FOXP4: variants seen among roughly 807,000 people sequenced by gnomAD.
The protein encoded by FOXP4 is forkhead box protein P4.
In FOXP4, 25 loss-of-function variants were observed where a neutral mutation model predicts 82.6. That is an observed-to-expected ratio of 0.30 (90% CI 0.22 to 0.42). The LOEUF (loss-of-function observed/expected upper bound fraction) is 0.42, where lower values mean the gene tolerates loss of function less well. Ranked by LOEUF, FOXP4 falls within the 10% of genes least tolerant of loss-of-function variation. The pLI is 1.00. For missense variants in FOXP4, 785 were observed against 900.9 expected (o/e 0.87, Z 1.65); for synonymous variants, 415 against 388.2 (o/e 1.07, Z -0.81).
chr6:41,585,734 GTGT>G (rs1349950345), intron 5 of FOXP4, among the ~76,000 whole-genome samples: 1 of 152,028 alleles, frequency 6.6e-6, no homozygotes, highest in Non-Finnish European at 1.5e-5. Flanking sequence ...TCCTTGCCTC[GTGT>G]TGTTGTCTCT....
chr6:41,596,429 CAGGA>C, intron 14 of FOXP4, among the ~76,000 whole-genome samples: 1 of 152,194 alleles, frequency 6.6e-6, no homozygotes, highest in South Asian at 2.1e-4. Context: ...GCTTACCAGG[CAGGA>C]GCCTTTGCAC....
chr6:41,585,345 C>T, intron 4 of FOXP4, 86 bp from the exon 5 acceptor site: 2 of 1,372,310 alleles, frequency 1.5e-6, no homozygotes, highest in South Asian at 2.6e-5. Context: ...CTCCCTTCTC[C>T]TGCCCCCAGG....
intron 2 of FOXP4, among the ~76,000 whole-genome samples, chr6:41,569,632 C>T (rs1405159269): frequency 1.3e-5 from 2 of 152,006 alleles, no homozygotes; most frequent in Admixed American, 6.5e-5. Flanking sequence ...CCAGGAGGGC[C>T]GAGCTGGTGG....
At chr6:41,583,595 T>C (rs183538958) in intron 3 of FOXP4, among the ~76,000 whole-genome samples, 157 of 152,324 alleles carry the variant, frequency 1.0e-3, no homozygotes, top group African/African-American at 3.6e-3. Flanking sequence ...GTACCTACCA[T>C]GTGCCAGGCA....
intron 1 of FOXP4, among the ~76,000 whole-genome samples, chr6:41,552,265 C>G (rs1288951234): frequency 6.6e-6 from 1 of 152,168 alleles, no homozygotes; most frequent in Non-Finnish European, 1.5e-5. Flanking sequence ...TGCACATCCG[C>G]ATCCTGGAAG....
At chr6:41,597,984 G>T in intron 16 of FOXP4, 34 bp downstream of exon 16, 1 of 1,096,630 alleles carries the variant, frequency 9.1e-7, no homozygotes. Flanking sequence ...ACCCACCCCA[G>T]CACCCCTCAA....
At chr6:41,598,027 G>GGT in intron 16 of FOXP4, 77 bp downstream of exon 16, 1 of 1,289,550 alleles carries the variant, frequency 7.8e-7, no homozygotes, top group South Asian at 1.6e-5. Flanking sequence ...CCCCACCCTG[G>GGT]GTGGGGTTCC....
intron 1 of FOXP4, among the ~76,000 whole-genome samples, chr6:41,562,543 C>T (rs2127342742): frequency 6.6e-6 from 1 of 152,298 alleles, no homozygotes; most frequent in Non-Finnish European, 1.5e-5. Flanking sequence ...CCTCCTCCTT[C>T]CTTCTTTCTC....
chr6:41,563,455 C>A (rs986111239), intron 1 of FOXP4, among the ~76,000 whole-genome samples: 1 of 152,152 alleles, frequency 6.6e-6, no homozygotes, highest in African/African-American at 2.4e-5. Context: ...ACCTACAAGG[C>A]CCTCATCTGT....
At chr6:41,556,325 G>GTT (rs11314988) in intron 1 of FOXP4, among the ~76,000 whole-genome samples, 31 of 136,930 alleles carry the variant, frequency 2.3e-4, no homozygotes, top group Admixed American at 5.9e-4. Context: ...CTCTGTGAAT[G>GTT]TTTTTTTTTT....
chr6:41,570,517 C>A, intron 2 of FOXP4: 1 of 387,744 alleles, frequency 2.6e-6, no homozygotes, highest in Non-Finnish European at 5.4e-6. Context: ...GCCCTGTTTC[C>A]TATGTTGGAA....
intron 14 of FOXP4, among the ~76,000 whole-genome samples, chr6:41,596,618 A>G (rs1395908358): frequency 3.3e-5 from 5 of 151,866 alleles, no homozygotes; most frequent in African/African-American, 9.7e-5. Context: ...TGGAAGAGGG[A>G]CAGCCCCCAG....
intron 1 of FOXP4, among the ~76,000 whole-genome samples, chr6:41,561,181 A>G (rs969914613): frequency 2.0e-5 from 3 of 152,210 alleles, no homozygotes; most frequent in African/African-American, 7.2e-5. Flanking sequence ...AGGAGCCTCT[A>G]GGCCTGACAT....
intron 1 of FOXP4, among the ~76,000 whole-genome samples, chr6:41,565,406 C>A (rs1400334823): frequency 6.6e-6 from 1 of 152,128 alleles, no homozygotes; most frequent in East Asian, 1.9e-4. Context: ...AGCCCTTCTT[C>A]ATGTCATTAT....
rs553764834 is a variant in FOXP4 at position 41,598,996 on chromosome 6, A to G, written c.*60A>G. ...CCCTCCCTTCCAGAATCCAGGCCCC[A>G]TCTCCCCCAACTCCACAGCCCCTCC... On this transcript the variant is annotated 3_prime_UTR_variant, in exon 17 of 17. Transcript: ENST00000307972. 2.8e-4 allele frequency: 417 copies of G among 1,471,940 alleles called. No individual in the cohort carries two copies. Among genetic ancestry groups the G allele is most frequent in the Non-Finnish European group, 3.4e-4 (377 of 1,111,590 alleles). The allele number at this position is 1,471,940 out of a possible 1,614,324, so 91.2% of individuals were successfully genotyped here.
chr6:41,587,500 C>A lies in FOXP4; in HGVS notation c.860C>A (p.Ser287Tyr). The part of the protein sequence containing the change: ...LPNGQPTVLT[S>Y]RRDSSSHEET... ...AACGGACAGCCTACTGTGCTCACAT[C>A]TCGGAGAGACAGGTACAGGGGTCCA... The change falls in exon 7 of 17, where the codon TCT (serine) becomes TAT (tyrosine). Residue 287 changes from serine to tyrosine, a missense_variant. Transcript: ENST00000307972. 6.6e-7 allele frequency: 1 copy of A among 1,521,450 alleles called. No homozygotes were observed. The highest frequency in any genetic ancestry group is 2.2e-5 in the Admixed American group (1 of 45,960). 94.2% of individuals were successfully genotyped at this position (1,521,450 alleles called of 1,614,324 possible).
At chr6:41,585,717 C>T (rs1334360709) in intron 5 of FOXP4, among the ~76,000 whole-genome samples, 200 bp downstream of exon 5, 3 of 152,200 alleles carry the variant, frequency 2.0e-5, no homozygotes, top group East Asian at 3.9e-4. Context: ...CCCATTCATT[C>T]TTTCTCTCCT....
At chr6:41,572,673 G>A (rs1765267086) in intron 2 of FOXP4, among the ~76,000 whole-genome samples, 1 of 152,164 alleles carries the variant, frequency 6.6e-6, no homozygotes, top group Non-Finnish European at 1.5e-5. Context: ...TTGAATCCCA[G>A]TTTTGCCAAA....
rs1315476175 is a variant in FOXP4, at chr6:41,590,133, G to A, written c.1320G>A (p.Arg440=). The change falls in exon 11 of 17, where the codon CGG becomes CGA. Residue 440 remains arginine (R), a synonymous_variant. Coordinates refer to ENST00000307972, the MANE Select transcript of FOXP4 (RefSeq NM_001012426.2). ...TGCATGGTGGGGGCCCAGCCCGTCGGAGAAGCAGTGACAAGTTCTGCTCCC... is the reference window on the plus strand; with the variant it reads ...TGCATGGTGGGGGCCCAGCCCGTCGAAGAAGCAGTGACAAGTTCTGCTCCC... The part of the protein sequence containing the change: ...ASLHGGGPAR[R]RSSDKFCSPI... 1 of 1,610,208 alleles carries A rather than the reference G, an allele frequency of 6.2e-7. No homozygotes were observed. Among genetic ancestry groups the A allele is most frequent in the Non-Finnish European group, 8.5e-7 (1 of 1,177,328 alleles).
Sources: gnomAD v4.1 joint callset for allele counts (sites outside exome capture counted in the v4.1 genomes callset) on GRCh38, gnomAD v4.1.1 for gene constraint, MANE v1.5 for transcripts, NCBI Gene and HGNC (gene_info 2026-07-23, HGNC 2026-07-21) for gene names.